Variants in TEAD1 observed in about 807,000 individuals in gnomAD.
TEAD1 encodes transcriptional enhancer factor TEF-1.
In TEAD1, 9 loss-of-function variants were observed where a neutral mutation model predicts 54.9. The observed-to-expected ratio is 0.16, with a 90% CI of 0.10 to 0.29. The LOEUF (loss-of-function observed/expected upper bound fraction) is 0.29. TEAD1 is among the 10% of genes least tolerant of loss of function. The probability of loss-of-function intolerance (pLI) is 1.00; values close to 1 mark genes in which losing one functional copy is unlikely to be tolerated. For missense variants in TEAD1, 387 were observed against 535.9 expected (o/e 0.72, Z 2.74); for synonymous variants, 200 against 187.8 (o/e 1.07, Z -0.53).
chr11:12,911,224 C>T (rs914255258), intron 10 of TEAD1, among the ~76,000 whole-genome samples: 3 of 152,160 alleles, frequency 2.0e-5, no homozygotes, highest in Admixed American at 1.3e-4. Context: ...ATTTGTTCAA[C>T]AAAATGACAG....
At chr11:12,762,997 T>G (rs554000138) in intron 2 of TEAD1, among the ~76,000 whole-genome samples, 2 of 152,342 alleles carry the variant, frequency 1.3e-5, no homozygotes, top group African/African-American at 4.8e-5. Flanking sequence ...ACTCAGGCCC[T>G]TGGCCTCCTC....
chr11:12,830,126 T>C (rs1946742483), intron 3 of TEAD1, among the ~76,000 whole-genome samples: 1 of 152,040 alleles, frequency 6.6e-6, no homozygotes, highest in Non-Finnish European at 1.5e-5. Context: ...ATAGAGGAGC[T>C]TAGCCTTGCT....
intron 2 of TEAD1, among the ~76,000 whole-genome samples, chr11:12,733,975 G>T (rs1177498221): frequency 6.6e-6 from 1 of 152,178 alleles, no homozygotes; most frequent in Non-Finnish European, 1.5e-5. Context: ...GATGGAGTGT[G>T]ATCATGTGAT....
At chr11:12,688,883 C>T (rs1258581794) in intron 2 of TEAD1, among the ~76,000 whole-genome samples, 2 of 152,194 alleles carry the variant, frequency 1.3e-5, no homozygotes, top group Admixed American at 6.5e-5. Context: ...CTGAGGTTTT[C>T]CTCCCGAATA....
intron 3 of TEAD1, among the ~76,000 whole-genome samples, chr11:12,809,424 C>T (rs533554258): frequency 8.5e-5 from 13 of 152,324 alleles, no homozygotes; most frequent in African/African-American, 3.1e-4. Flanking sequence ...CTGCATTTCA[C>T]TCATTGCTGG....
At chr11:12,780,242 A>ATT (rs200775672) in intron 3 of TEAD1, among the ~76,000 whole-genome samples, 1,632 of 140,440 alleles carry the variant, frequency 0.012, 38 homozygotes, top group African/African-American at 0.041. Context: ...TCAATTGTAA[A>ATT]TTTTTTTTTT....
intron 2 of TEAD1, among the ~76,000 whole-genome samples, chr11:12,761,729 G>A (rs544794891): frequency 3.9e-5 from 6 of 152,210 alleles, no homozygotes; most frequent in Non-Finnish European, 7.3e-5. Flanking sequence ...TATCTTAGGA[G>A]AGATTTGCTC....
intron 3 of TEAD1, among the ~76,000 whole-genome samples, chr11:12,836,132 T>G (rs1402698510): frequency 1.3e-5 from 2 of 152,078 alleles, no homozygotes; most frequent in Non-Finnish European, 2.9e-5. Flanking sequence ...TAAAAAAAGA[T>G]CTTTTAGGCC....
At chr11:12,803,824 A>G (rs1051401690) in intron 3 of TEAD1, among the ~76,000 whole-genome samples, 1 of 152,210 alleles carries the variant, frequency 6.6e-6, no homozygotes, top group Admixed American at 6.5e-5. Flanking sequence ...TGGGGTTCCA[A>G]GGAGTCGTTG....
chr11:12,855,865 T>C (rs573970377), intron 3 of TEAD1, among the ~76,000 whole-genome samples: 1 of 151,480 alleles, frequency 6.6e-6, no homozygotes, highest in African/African-American at 2.4e-5. Flanking sequence ...GGAGGATCAC[T>C]TGAGCCCGGG....
Position 12,939,091 on chromosome 11 carries a change from T to A in TEAD1, c.*1869T>A, listed in dbSNP as rs1477690893. On this transcript the variant is annotated 3_prime_UTR_variant, in exon 13 of 13. Coordinates refer to ENST00000527636, the MANE Select transcript of TEAD1 (RefSeq NM_021961.6). Reference sequence around the variant, plus strand: ...AAACAGCAAAACACTAAGCCTGACCTCTCCCAAATTGGGAAGACCAGAGGA... The same window carrying A: ...AAACAGCAAAACACTAAGCCTGACCACTCCCAAATTGGGAAGACCAGAGGA... The A allele has an allele frequency of 1.3e-5, 2 of 152,114 alleles. No homozygotes were observed. The highest frequency in any genetic ancestry group is 4.8e-5 in the African/African-American group (2 of 41,404). 9.4% of individuals were successfully genotyped at this position (152,114 alleles called of 1,614,324 possible).
chr11:12,825,015 A>G (rs1415926854), intron 3 of TEAD1, among the ~76,000 whole-genome samples: 3 of 152,330 alleles, frequency 2.0e-5, no homozygotes, highest in Admixed American at 6.5e-5. Flanking sequence ...TTTAAAACAC[A>G]CACTCATTTT....
At chr11:12,881,185 C>T in intron 7 of TEAD1, 134 bp downstream of exon 7, 1 of 1,004,378 alleles carries the variant, frequency 1.0e-6, no homozygotes, top group Non-Finnish European at 1.5e-6. Context: ...AGAAGGCATC[C>T]CCTTTTTATT....
chr11:12,884,395 T>C (rs888267827), intron 9 of TEAD1, among the ~76,000 whole-genome samples: 1 of 152,238 alleles, frequency 6.6e-6, no homozygotes, highest in Non-Finnish European at 1.5e-5. Context: ...AGTCCCATGC[T>C]GTCTGTGTGT....
intron 2 of TEAD1, among the ~76,000 whole-genome samples, chr11:12,739,725 A>G (rs1215394694): frequency 6.6e-6 from 1 of 152,186 alleles, no homozygotes; most frequent in Non-Finnish European, 1.5e-5. Context: ...CTTTACTGAT[A>G]AGTCATTCAT....
chr11:12,835,846 G>A (rs1340409174), intron 3 of TEAD1, among the ~76,000 whole-genome samples: 1 of 152,192 alleles, frequency 6.6e-6, no homozygotes, highest in African/African-American at 2.4e-5. Context: ...GGTGGATGGA[G>A]AAAGGAGAGG....
chr11:12,787,868 A>G (rs1590151777), intron 3 of TEAD1, among the ~76,000 whole-genome samples: 2 of 152,216 alleles, frequency 1.3e-5, no homozygotes, highest in South Asian at 2.1e-4. Flanking sequence ...GCCAGTTTTG[A>G]TGATGAGAGC....
intron 3 of TEAD1, among the ~76,000 whole-genome samples, chr11:12,774,247 A>G (rs913072856): frequency 2.0e-5 from 3 of 152,134 alleles, no homozygotes; most frequent in African/African-American, 4.8e-5. Context: ...AATACGGTCA[A>G]CTGATGTGAA....
intron 3 of TEAD1, among the ~76,000 whole-genome samples, chr11:12,832,692 C>G (rs192243518): frequency 6.6e-6 from 1 of 152,196 alleles, no homozygotes; most frequent in Non-Finnish European, 1.5e-5. Flanking sequence ...ATCATGAAAG[C>G]ATTACCTTGT....
Sources: allele counts gnomAD v4.1 joint callset (sites outside exome capture counted in the v4.1 genomes callset), GRCh38; gene constraint gnomAD v4.1.1; transcripts MANE v1.5; gene names NCBI Gene and HGNC (gene_info 2026-07-23, HGNC 2026-07-21).